Variants in CPED1 observed in about 807,000 individuals in gnomAD.
CPED1 encodes cadherin like and PC-esterase domain containing 1, also known as cadherin-like and PC-esterase domain-containing protein 1.
Under a neutral mutation model 128.2 loss-of-function variants are expected in CPED1, and 114 were observed. The ratio of observed to expected loss-of-function variants is 0.89; its 90% CI spans 0.76 to 1.04. The LOEUF (loss-of-function observed/expected upper bound fraction) is 1.04, where lower values mean the gene tolerates loss of function less well. Ranked by LOEUF, CPED1 falls within the 50% of genes least tolerant of loss-of-function variation. The pLI is 0.00. For synonymous variants in CPED1, 462 were observed against 426.7 expected (o/e 1.08, Z -1.02); for missense variants, 1,211 against 1,207.1 (o/e 1.00, Z -0.05).
At chr7:121,157,709 G>A (rs1796320145) in intron 16 of CPED1, among the ~76,000 whole-genome samples, 1 of 152,152 alleles carries the variant, frequency 6.6e-6, no homozygotes, top group Non-Finnish European at 1.5e-5. Context: ...GAGAACCCAT[G>A]AATCAGGTAT....
intron 7 of CPED1, among the ~76,000 whole-genome samples, chr7:121,105,471 A>G (rs1300175896): frequency 6.6e-6 from 1 of 152,142 alleles, no homozygotes; most frequent in Non-Finnish European, 1.5e-5. Context: ...TTGACTGAGC[A>G]TCTGGCCCTT....
intron 13 of CPED1, 122 bp downstream of exon 13, chr7:121,134,015 T>C: frequency 1.6e-6 from 1 of 608,970 alleles, no homozygotes; most frequent in South Asian, 2.1e-5. Flanking sequence ...AAATGCTATT[T>C]TCCCTTAAAT....
intron 7 of CPED1, among the ~76,000 whole-genome samples, chr7:121,106,081 C>T (rs1166682336): frequency 6.6e-6 from 1 of 152,046 alleles, no homozygotes; most frequent in Non-Finnish European, 1.5e-5. Context: ...ATCAGTGAAT[C>T]GTTGTCTATC....
intron 18 of CPED1, among the ~76,000 whole-genome samples, chr7:121,254,362 T>C (rs954133412): frequency 1.3e-5 from 2 of 151,954 alleles, no homozygotes. Flanking sequence ...TTGAAATTAA[T>C]AAAAATAGCA....
chr7:121,275,216 A>G (rs910203249), intron 22 of CPED1, among the ~76,000 whole-genome samples: 3 of 152,128 alleles, frequency 2.0e-5, no homozygotes, highest in Non-Finnish European at 4.4e-5. Context: ...GGTGAGATGA[A>G]AGATCTTGAG....
intron 2 of CPED1, among the ~76,000 whole-genome samples, chr7:121,006,445 T>A (rs1237152594): frequency 6.6e-6 from 1 of 152,024 alleles, no homozygotes; most frequent in African/African-American, 2.4e-5. Context: ...GAAAATAACT[T>A]CTTCCTTCTG....
intron 7 of CPED1, among the ~76,000 whole-genome samples, chr7:121,105,036 C>G (rs1794939444): frequency 6.6e-6 from 1 of 151,994 alleles, no homozygotes; most frequent in Non-Finnish European, 1.5e-5. Context: ...TCTAAATCAC[C>G]AGCTCTCTAC....
At chr7:121,077,899 C>G (rs1446475124) in intron 5 of CPED1, among the ~76,000 whole-genome samples, 1 of 151,476 alleles carries the variant, frequency 6.6e-6, no homozygotes, top group Non-Finnish European at 1.5e-5. Context: ...TTTTTTACAC[C>G]TCACTTTCAG....
At chr7:121,096,433 C>T (rs919527040) in intron 5 of CPED1, among the ~76,000 whole-genome samples, 5 of 152,018 alleles carry the variant, frequency 3.3e-5, no homozygotes, top group African/African-American at 1.2e-4. Flanking sequence ...AGCACTGTGA[C>T]CTGGGATTAA....
intron 16 of CPED1, among the ~76,000 whole-genome samples, chr7:121,153,796 TA>T (rs35795761): frequency 0.44 from 66,687 of 151,962 alleles, 15,910 homozygotes; most frequent in East Asian, 0.84. Context: ...AAGCGGATTT[TA>T]AAAAATAAAT....
intron 4 of CPED1, among the ~76,000 whole-genome samples, chr7:121,060,416 C>T (rs1442566612): frequency 6.6e-6 from 1 of 152,200 alleles, no homozygotes; most frequent in Non-Finnish European, 1.5e-5. Flanking sequence ...CTGGTGGGGA[C>T]GTGGAGAATC....
intron 4 of CPED1, among the ~76,000 whole-genome samples, chr7:121,052,784 G>A (rs749391339): frequency 9.2e-5 from 14 of 152,126 alleles, no homozygotes; most frequent in Admixed American, 2.0e-4. Flanking sequence ...GTGCAGTGGC[G>A]TGATCTTGGT....
intron 6 of CPED1, 103 bp downstream of exon 6, chr7:121,097,934 A>G (rs1420223026): frequency 1.7e-6 from 2 of 1,152,158 alleles, no homozygotes; most frequent in African/African-American, 3.1e-5. Flanking sequence ...TGTGTGAATT[A>G]TTAGTTTCTC....
At chr7:121,262,279 T>C (rs1179805418) in intron 18 of CPED1, among the ~76,000 whole-genome samples, 1 of 152,034 alleles carries the variant, frequency 6.6e-6, no homozygotes, top group Non-Finnish European at 1.5e-5. Flanking sequence ...AAATAAATCT[T>C]TTATCTTCAT....
chr7:120,991,558 T>A (rs1429883346), intron 2 of CPED1, among the ~76,000 whole-genome samples: 1 of 152,252 alleles, frequency 6.6e-6, no homozygotes, highest in African/African-American at 2.4e-5. Context: ...GAAAAGGTTT[T>A]ATTCATGAAC....
At chr7:121,145,195 G>GA (rs956841502) in intron 16 of CPED1, among the ~76,000 whole-genome samples, 4 of 151,726 alleles carry the variant, frequency 2.6e-5, no homozygotes, top group African/African-American at 9.7e-5. Flanking sequence ...AATAAATTAG[G>GA]AAAAAAGATT....
chr7:121,217,642 A>G (rs1157987242), intron 16 of CPED1, among the ~76,000 whole-genome samples: 2 of 151,990 alleles, frequency 1.3e-5, no homozygotes, highest in African/African-American at 2.4e-5. Context: ...AAAGCTTGTG[A>G]CAGACTTGAT....
intron 16 of CPED1, among the ~76,000 whole-genome samples, chr7:121,211,458 G>A (rs562907178): frequency 2.9e-5 from 4 of 139,874 alleles, no homozygotes; most frequent in Non-Finnish European, 6.3e-5. Flanking sequence ...ATCCGATCTG[G>A]GCAGAGTAAC....
At chr7:121,230,027 C>A (rs1450308621) in intron 16 of CPED1, among the ~76,000 whole-genome samples, 1 of 152,000 alleles carries the variant, frequency 6.6e-6, no homozygotes, top group Non-Finnish European at 1.5e-5. Flanking sequence ...TGAATTATTT[C>A]AAGCAACAAA....
Sources: allele counts gnomAD v4.1 joint callset (sites outside exome capture counted in the v4.1 genomes callset), GRCh38; gene constraint gnomAD v4.1.1; transcripts MANE v1.5; gene names NCBI Gene and HGNC (gene_info 2026-07-23, HGNC 2026-07-21).